The following MAP2K4 variants were observed in gnomAD, a reference collection of about 807,000 sequenced individuals.
MAP2K4 encodes the protein dual specificity mitogen-activated protein kinase kinase 4.
In MAP2K4, 4 loss-of-function variants were observed where a neutral mutation model predicts 48.5. The observed-to-expected ratio is 0.08, with a 90% CI of 0.04 to 0.19. The LOEUF (loss-of-function observed/expected upper bound fraction) is 0.19, where lower values mean the gene tolerates loss of function less well. Ranked by LOEUF, MAP2K4 falls within the 10% of genes least tolerant of loss-of-function variation. MAP2K4 has a pLI of 1.00. For missense variants in MAP2K4, 258 were observed against 493.3 expected (o/e 0.52, Z 4.52); for synonymous variants, 166 against 173.1 (o/e 0.96, Z 0.32).
At chr17:12,034,064 A>G (rs962858542) in intron 1 of MAP2K4, among the ~76,000 whole-genome samples, 1 of 152,214 alleles carries the variant, frequency 6.6e-6, no homozygotes, top group African/African-American at 2.4e-5. Context: ...CTGAGATTAC[A>G]GGCATGAGCT....
intron 7 of MAP2K4, among the ~76,000 whole-genome samples, chr17:12,122,753 G>A (rs1164827138): frequency 1.3e-5 from 2 of 152,160 alleles, no homozygotes; most frequent in South Asian, 2.1e-4. Context: ...TCACCAGTAA[G>A]TATAATGTTA....
intron 1 of MAP2K4, among the ~76,000 whole-genome samples, chr17:12,050,879 C>G (rs1026947848): frequency 1.3e-5 from 2 of 152,164 alleles, no homozygotes; most frequent in Admixed American, 1.3e-4. Context: ...TGACCAATCC[C>G]TTTCTTCAGG....
chr17:12,102,071 GT>G (rs1289021279), intron 4 of MAP2K4, among the ~76,000 whole-genome samples: 4 of 151,514 alleles, frequency 2.6e-5, no homozygotes, highest in African/African-American at 7.3e-5. Flanking sequence ...AGACATCCTT[GT>G]TTTTTTTCCT....
intron 1 of MAP2K4, among the ~76,000 whole-genome samples, chr17:12,048,815 C>G (rs1272974181): frequency 6.6e-6 from 1 of 151,940 alleles, no homozygotes; most frequent in Non-Finnish European, 1.5e-5. Flanking sequence ...TGCCACCACG[C>G]CCGGCTAATT....
intron 9 of MAP2K4, among the ~76,000 whole-genome samples, chr17:12,138,255 A>T (rs1306915160): frequency 2.0e-5 from 3 of 150,530 alleles, no homozygotes; most frequent in Non-Finnish European, 4.4e-5. Flanking sequence ...GACCCCCTGT[A>T]CAGTCAAAAA....
At chr17:12,119,246 A>G (rs1323199578) in intron 7 of MAP2K4, among the ~76,000 whole-genome samples, 2 of 152,222 alleles carry the variant, frequency 1.3e-5, no homozygotes, top group African/African-American at 4.8e-5. Context: ...ACAAATAACT[A>G]TGTGTCTCAC....
intron 1 of MAP2K4, chr17:12,021,241 C>A: frequency 3.4e-6 from 1 of 291,758 alleles, no homozygotes; most frequent in Non-Finnish European, 6.3e-6. Flanking sequence ...CCCCTGGGCC[C>A]TACCGGGCTC....
chr17:12,088,267 T>C (rs953405705), intron 3 of MAP2K4, among the ~76,000 whole-genome samples: 3 of 151,722 alleles, frequency 2.0e-5, no homozygotes, highest in Admixed American at 6.6e-5. Flanking sequence ...CCCCTTCACA[T>C]TAATGACAGT....
chr17:12,121,533 C>T lies in MAP2K4; in HGVS notation c.814-3761C>T, dbSNP rs537088875. ...GAGCTTGCAGTGAGCCGAGATCGCG[C>T]CACTGCACTCCAGCCTGGGTGACAG... On this transcript the variant is annotated intron_variant, in intron 7 of 10. Coordinates refer to ENST00000353533, the MANE Select transcript of MAP2K4 (RefSeq NM_003010.4). Among the ~76,000 whole-genome samples, 6 of 149,872 alleles carry T rather than the reference C, an allele frequency of 4.0e-5. No homozygotes were observed. In the East Asian group the frequency reaches 1.2e-3, roughly 30 times the overall value.
At chr17:12,021,438 A>T (rs1339696784) in intron 1 of MAP2K4, 1 of 151,664 alleles carries the variant, frequency 6.6e-6, no homozygotes, top group Non-Finnish European at 1.5e-5. Flanking sequence ...GGCGGCGAAG[A>T]CAGCGGCCCC....
At chr17:12,073,408 T>C (rs1970883363) in intron 2 of MAP2K4, among the ~76,000 whole-genome samples, 1 of 152,188 alleles carries the variant, frequency 6.6e-6, no homozygotes, top group Non-Finnish European at 1.5e-5. Flanking sequence ...ATTGCTGTTA[T>C]CAGTCCAGAA....
intron 2 of MAP2K4, among the ~76,000 whole-genome samples, chr17:12,067,435 G>T (rs988293065): frequency 6.6e-6 from 1 of 152,016 alleles, no homozygotes; most frequent in Non-Finnish European, 1.5e-5. Context: ...CCTGTGCGTG[G>T]TAGAATGTTT....
intron 7 of MAP2K4, among the ~76,000 whole-genome samples, chr17:12,118,364 A>G (rs534102840): frequency 6.6e-6 from 1 of 152,308 alleles, no homozygotes; most frequent in South Asian, 2.1e-4. Flanking sequence ...GTATAAATCT[A>G]TAGGAGGCAA....
intron 9 of MAP2K4, among the ~76,000 whole-genome samples, chr17:12,137,271 G>T (rs1344567879): frequency 6.6e-6 from 1 of 152,208 alleles, no homozygotes; most frequent in Non-Finnish European, 1.5e-5. Context: ...CTTGAATACT[G>T]AAGTGTAATG....
intron 1 of MAP2K4, among the ~76,000 whole-genome samples, chr17:12,047,720 A>G (rs553381452): frequency 1.3e-5 from 2 of 152,354 alleles, no homozygotes; most frequent in East Asian, 3.9e-4. Flanking sequence ...AGAGAATTTA[A>G]TACTTTCTCA....
chr17:12,048,741 A>G lies in MAP2K4; in HGVS notation c.116-6148A>G, dbSNP rs540101629. Among the ~76,000 whole-genome samples the G allele has an allele frequency of 4.6e-5, 7 of 152,016 alleles. No homozygotes were observed. The South Asian group carries it at 8.3e-4, about 18-fold the overall frequency. On this transcript the variant is annotated intron_variant, in intron 1 of 10. Transcript: ENST00000353533. ...GCGCGATCTCTGCTCACTGAAACCT[A>G]TACCTCCTGGGTTCAAGCGATTCCA...
At chr17:12,109,637 A>G (rs2151574784) in intron 5 of MAP2K4, among the ~76,000 whole-genome samples, 1 of 152,322 alleles carries the variant, frequency 6.6e-6, no homozygotes, top group African/African-American at 2.4e-5. Flanking sequence ...TGGTGAACAG[A>G]GTTTACACTA....
At chr17:12,074,332 GATGGCTGTTTTTGTATTTTC>G (rs1490303219) in intron 2 of MAP2K4, among the ~76,000 whole-genome samples, 1 of 152,080 alleles carries the variant, frequency 6.6e-6, no homozygotes, top group Non-Finnish European at 1.5e-5. Flanking sequence ...ATTATTGTGT[GATGGCTGTTTTTGTATTTTC>G]ATGAATGTTT....
At chr17:12,042,049 C>T (rs1779029407) in intron 1 of MAP2K4, among the ~76,000 whole-genome samples, 1 of 150,730 alleles carries the variant, frequency 6.6e-6, no homozygotes, top group African/African-American at 2.4e-5. Context: ...GGTGTGGTGG[C>T]AAGCACCTAT....
Sources: gnomAD v4.1 joint callset for allele counts (sites outside exome capture counted in the v4.1 genomes callset) on GRCh38, gnomAD v4.1.1 for gene constraint, MANE v1.5 for transcripts, NCBI Gene and HGNC (gene_info 2026-07-23, HGNC 2026-07-21) for gene names.